The following KCTD19 variants were observed in gnomAD, a reference collection of about 807,000 sequenced individuals.
KCTD19 encodes the protein BTB/POZ domain-containing protein KCTD19.
In KCTD19, 67 loss-of-function variants were observed where a neutral mutation model predicts 103.5. The ratio of observed to expected loss-of-function variants is 0.65; its 90% CI spans 0.53 to 0.79. The LOEUF is 0.79. KCTD19 is among the 30% of genes least tolerant of loss of function. The pLI, the probability that KCTD19 is intolerant of heterozygous loss-of-function variation, is 0.00. For synonymous variants in KCTD19, 439 were observed against 452.2 expected (o/e 0.97, Z 0.37); for missense variants, 980 against 1,136.1 (o/e 0.86, Z 1.98).
At position 67,295,311 on chromosome 16, in the gene KCTD19, A is replaced by G; in HGVS notation, c.1343T>C (p.Ile448Thr). 6.2e-7 allele frequency: 1 copy of G among 1,614,208 alleles called. No homozygotes were observed. Among genetic ancestry groups the G allele is most frequent in the Non-Finnish European group, 8.5e-7 (1 of 1,180,036 alleles). ...TTTGCCAAGTCTCAGGAAGTTGAGA[A>G]TGTGTCGGAACATCTGGCCATCCCC... ...IHGDGQMFRH[I>T]LNFLRLGKLF... Residue 448 changes from isoleucine (I) to threonine (T), a missense_variant, in exon 9 of 16, where the codon ATT (isoleucine) becomes ACT (threonine). Transcript: ENST00000304372.
chr16:67,310,854 T>C (rs1256446127), intron 2 of KCTD19, among the ~76,000 whole-genome samples: 1 of 152,162 alleles, frequency 6.6e-6, no homozygotes, highest in Non-Finnish European at 1.5e-5. Context: ...TTGACTGCCT[T>C]GTAAAGACAA....
In KCTD19 at chr16:67,294,318, G is replaced by C. The variant is rs564190588; in HGVS notation, c.1591-147C>G. The stretch of plus-strand genomic sequence containing the variant: ...GACAGGGGTCACCCATTTGAGCTTT[G>C]CTCAGGCTGAGTGGGGATGGTGCCA... On this transcript the variant is annotated intron_variant, in intron 11 of 15. Transcript: ENST00000304372. 366 of 950,438 alleles carry C rather than the reference G, an allele frequency of 3.9e-4. 6 individuals are homozygous for C. The South Asian group carries it at 5.6e-3, about 15-fold the overall frequency. The allele number at this position is 950,438 out of a possible 1,614,324, so 58.9% of individuals were successfully genotyped here.
At chr16:67,301,694 CA>C (rs2036835813) in intron 5 of KCTD19, 96 bp downstream of exon 5, 3 of 1,204,228 alleles carry the variant, frequency 2.5e-6, no homozygotes, top group African/African-American at 1.5e-5. Flanking sequence ...CACTAACCCC[CA>C]AAGCCCGAAG....
At chr16:67,319,227 GAA>G (rs941399154) in intron 2 of KCTD19, among the ~76,000 whole-genome samples, 3 of 104,766 alleles carry the variant, frequency 2.9e-5, no homozygotes, top group Non-Finnish European at 4.2e-5. Flanking sequence ...CCATCTCGAA[GAA>G]AAAAAAAAAA....
At position 67,301,764 on chromosome 16, in the gene KCTD19, G is replaced by T. The variant is rs778626735; in HGVS notation, c.775+27C>A. 15 of 1,611,118 alleles carry T rather than the reference G, an allele frequency of 9.3e-6. No individual in the cohort carries two copies. In the Admixed American group the frequency reaches 2.5e-4, roughly 27 times the overall value. On this transcript the variant is annotated intron_variant, in intron 5 of 15. Transcript: ENST00000304372. ...CCAGGTCAAGCCAAGACTGTCGAGG[G>T]GGAGCCAAGGTTTCCTGGCGACATA...
intron 2 of KCTD19, among the ~76,000 whole-genome samples, chr16:67,319,021 G>A (rs1051517852): frequency 1.4e-4 from 22 of 152,002 alleles, no homozygotes; most frequent in African/African-American, 5.3e-4. Flanking sequence ...TCAGGAGTTC[G>A]AGACCAGCCT....
intron 6 of KCTD19, among the ~76,000 whole-genome samples, chr16:67,298,608 G>A (rs1259421056): frequency 6.6e-6 from 1 of 152,170 alleles, no homozygotes; most frequent in Non-Finnish European, 1.5e-5. Context: ...TTTGCCCTCT[G>A]TGACATCAGG....
chr16:67,295,346 C>G lies in KCTD19; in HGVS notation c.1308G>C (p.Leu436=). 6.2e-7 allele frequency: 1 copy of G among 1,614,138 alleles called. No homozygotes were observed. Among genetic ancestry groups the G allele is most frequent in the Non-Finnish European group, 8.5e-7 (1 of 1,180,022 alleles). ...ACATCTGGCCATCCCCGTGGATGAG[C>G]AGGGTTTGTCCATATGTGATCCAGT... ...RVYWITYGQT[L]LIHGDGQMFR... is the part of the protein sequence containing the mutation. Residue 436 remains leucine, a synonymous_variant, in exon 9 of 16, where the codon CTG becomes CTC. Coordinates refer to ENST00000304372, the MANE Select transcript of KCTD19 (RefSeq NM_001100915.3).
intron 4 of KCTD19, chr16:67,302,149 C>T (rs1342331359): frequency 1.6e-5 from 7 of 424,754 alleles, no homozygotes; most frequent in African/African-American, 6.1e-5. Context: ...TGTGGCCTCC[C>T]GTGGCTTGGC....
At chr16:67,325,205 TTC>T (rs1567456797) in intron 1 of KCTD19, among the ~76,000 whole-genome samples, 1 of 138,762 alleles carries the variant, frequency 7.2e-6, no homozygotes, top group African/African-American at 3.1e-5. Context: ...TTTTCTTTTT[TTC>T]TTTTTTTTTT....
intron 2 of KCTD19, among the ~76,000 whole-genome samples, chr16:67,319,765 A>G (rs1262273441): frequency 6.6e-6 from 1 of 151,196 alleles, no homozygotes; most frequent in Non-Finnish European, 1.5e-5. Flanking sequence ...ATTCTGCAGA[A>G]CTTGTTTTTT....
rs1488470492 is a variant in KCTD19 at position 67,303,820 on chromosome 16, T to C, written c.452-483A>G. Among the ~76,000 whole-genome samples, 1 of 152,240 alleles carries C rather than the reference T, an allele frequency of 6.6e-6. No homozygotes were observed. Among genetic ancestry groups the C allele is most frequent in the African/African-American group, 2.4e-5 (1 of 41,468 alleles). The stretch of plus-strand genomic sequence containing the variant: ...CCTCAGCCTCCCAAAATGCTGGGAT[T>C]ACAGGCATGAGCCACCGTGCCCAGC... On this transcript the variant is annotated intron_variant, in intron 3 of 15. Coordinates refer to ENST00000304372, the MANE Select transcript of KCTD19 (RefSeq NM_001100915.3). The surrounding 1 kb of genome is among the most constrained non-coding windows in gnomAD (Gnocchi z 4.3).
At chr16:67,301,950 G>T (rs756195713) in intron 4 of KCTD19, 28 bp from the exon 5 acceptor site, 2 of 1,612,314 alleles carry the variant, frequency 1.2e-6, no homozygotes, top group South Asian at 2.2e-5. Context: ...AACACAGTGA[G>T]TTAATGAGGC....
In KCTD19 at chr16:67,303,029, C is replaced by T; in HGVS notation, c.643+117G>A. Reference sequence around the variant, plus strand: ...TCTGTCATGCTTCCGCTACCTCTGCCCAGGGAAGCTCCTGAGGCCCTGAGC... The same window carrying T: ...TCTGTCATGCTTCCGCTACCTCTGCTCAGGGAAGCTCCTGAGGCCCTGAGC... On this transcript the variant is annotated intron_variant, in intron 4 of 15. Coordinates refer to ENST00000304372, the MANE Select transcript of KCTD19 (RefSeq NM_001100915.3). This position sits in a 1 kb window ranked among gnomAD's most constrained non-coding sequence, Gnocchi z 4.3. The T allele has an allele frequency of 1.1e-6, 1 of 938,712 alleles. No individual in the cohort carries two copies. Among genetic ancestry groups the T allele is most frequent in the Non-Finnish European group, 1.6e-6 (1 of 615,686 alleles). The allele number at this position is 938,712 out of a possible 1,614,324, so 58.1% of individuals were successfully genotyped here. A position where few individuals can be genotyped will look rare whatever the true frequency, so the allele number is the denominator to read the frequency against.
chr16:67,313,453 T>G (rs2036969802), intron 2 of KCTD19, among the ~76,000 whole-genome samples: 1 of 152,138 alleles, frequency 6.6e-6, no homozygotes, highest in Non-Finnish European at 1.5e-5. Flanking sequence ...ACAAAATATT[T>G]TTGATTTTTT....
chr16:67,315,233 C>T (rs1390754606), intron 2 of KCTD19, among the ~76,000 whole-genome samples: 8 of 152,064 alleles, frequency 5.3e-5, no homozygotes, highest in Non-Finnish European at 8.8e-5. Flanking sequence ...CTCCCTACCT[C>T]TCACTGTACT....
At position 67,323,019 on chromosome 16, in the gene KCTD19, C is replaced by T. The variant is rs1191703027; in HGVS notation, c.4-2134G>A. On this transcript the variant is annotated intron_variant, in intron 1 of 15. Coordinates refer to ENST00000304372, the MANE Select transcript of KCTD19 (RefSeq NM_001100915.3). This position sits in a 1 kb window ranked among gnomAD's most constrained non-coding sequence, Gnocchi z 4.1. Reference sequence around the variant, plus strand: ...ACCCACAACAGAATACTACTTCACACCCATTAGTATGGCTACAATGAAAAC... The same window carrying T: ...ACCCACAACAGAATACTACTTCACATCCATTAGTATGGCTACAATGAAAAC... 6.6e-6 allele frequency among the ~76,000 whole-genome samples: 1 copy of T among 152,184 alleles called. No homozygotes were observed. Among genetic ancestry groups the T allele is most frequent in the African/African-American group, 2.4e-5 (1 of 41,428 alleles).
intron 2 of KCTD19, among the ~76,000 whole-genome samples, chr16:67,314,840 G>A (rs1350501903): frequency 8.0e-6 from 1 of 124,298 alleles, no homozygotes; most frequent in Non-Finnish European, 1.6e-5. Flanking sequence ...TAGAGAGAGA[G>A]AGAGAGAGAG....
At position 67,291,804 on chromosome 16, in the gene KCTD19, G is replaced by GCC; in HGVS notation, c.2250_2251dup (p.Ala751GlyfsTer8). On this transcript the variant is annotated frameshift_variant, in exon 13 of 16. Transcript: ENST00000304372. LOFTEE classifies it high-confidence loss of function. ...AACCCCTAGGCTGTCCACCTCACTGGCCTCGGGCAGAGGCTGCTCAGGGGC... is the reference window on the plus strand; with the variant it reads ...AACCCCTAGGCTGTCCACCTCACTGGCCCCTCGGGCAGAGGCTGCTCAGGGGC... The GCC allele has an allele frequency of 6.2e-7, 1 of 1,612,952 alleles. No homozygotes were observed. Among genetic ancestry groups the GCC allele is most frequent in the Non-Finnish European group, 8.5e-7 (1 of 1,179,248 alleles).
Sources: gnomAD v4.1 joint callset for allele counts (sites outside exome capture counted in the v4.1 genomes callset) on GRCh38, gnomAD v4.1.1 for gene constraint, Gnocchi (gnomAD v3.1) non-coding constraint, MANE v1.5 for transcripts, NCBI Gene and HGNC (gene_info 2026-07-23, HGNC 2026-07-21) for gene names.